TMC7: variants seen among roughly 807,000 people sequenced by gnomAD.
The protein encoded by TMC7 is transmembrane channel like 7, also known as transmembrane channel-like protein 7.
A neutral mutation model predicts 82.9 loss-of-function variants in TMC7; 54 were observed. That is an observed-to-expected ratio of 0.65 (90% confidence interval 0.52 to 0.82). The LOEUF (loss-of-function observed/expected upper bound fraction) is 0.82. TMC7 is among the 40% of genes least tolerant of loss of function. The pLI is 0.00. For synonymous variants in TMC7, 350 were observed against 337.9 expected (o/e 1.04, Z -0.39); for missense variants, 820 against 901.2 (o/e 0.91, Z 1.15).
In TMC7 at chr16:19,037,812, A is replaced by G. The variant is rs1960824528; in HGVS notation, c.1006-62A>G. On this transcript the variant is annotated intron_variant, in intron 7 of 15. Coordinates refer to ENST00000304381, the MANE Select transcript of TMC7 (RefSeq NM_024847.4). The stretch of plus-strand genomic sequence containing the variant: ...TGGATGGGGAGAGAATGATGAATCA[A>G]TTTCTATCCCTGAGTATCCCTTCAT... 4.7e-5 allele frequency: 71 copies of G among 1,511,594 alleles called. 1 individual carries two copies. In the South Asian group the frequency reaches 7.5e-4, roughly 16 times the overall value. The allele number at this position is 1,511,594 out of a possible 1,614,324, so 93.6% of individuals were successfully genotyped here.
intron 5 of TMC7, 133 bp from the exon 6 acceptor site, chr16:19,030,091 G>A: frequency 1.2e-6 from 1 of 857,672 alleles, no homozygotes; most frequent in South Asian, 1.7e-5. Flanking sequence ...GTGCCTCTGG[G>A]GCTGTTCCAG....
rs371761861 is a variant in TMC7, at chr16:19,030,310, G to A, written c.798G>A (p.Leu266=). 3.4e-5 allele frequency: 55 copies of A among 1,613,610 alleles called. No homozygotes were observed. In the African/African-American group the frequency reaches 7.3e-4, roughly 22 times the overall value. Reference sequence around the variant, plus strand: ...AGAACTTCACCTATGATCTGCCCCTGGCGTATTTGTTAAGCACAATCGCCT... The same window carrying A: ...AGAACTTCACCTATGATCTGCCCCTAGCGTATTTGTTAAGCACAATCGCCT... The part of the protein sequence containing the change: ...KFQNFTYDLP[L]AYLLSTIASL... Residue 266 remains leucine, a synonymous_variant, in exon 6 of 16, where the codon CTG becomes CTA. Transcript: ENST00000304381.
chr16:19,023,808 C>G (rs564839004), intron 5 of TMC7, among the ~76,000 whole-genome samples: 3 of 152,312 alleles, frequency 2.0e-5, no homozygotes, highest in African/African-American at 7.2e-5. Flanking sequence ...CAGAAAGAAG[C>G]TTCAGTGAAA....
Position 19,009,242 on chromosome 16 carries a change from C to T in TMC7, c.138C>T (p.Tyr46=), listed in dbSNP as rs765527255. ...PVNFLQELPS[Y]RSIARRRTTV... is the part of the protein sequence containing the mutation. ...ACTTCCTCCAAGAATTGCCAAGCTA[C>T]CGGTCCATTGCACGTAGGAGAACGA... Residue 46 remains tyrosine, a synonymous_variant, in exon 2 of 16, where the codon TAC becomes TAT. Transcript: ENST00000304381. The T allele has an allele frequency of 6.2e-7, 1 of 1,614,180 alleles. No homozygotes were observed. Among genetic ancestry groups the T allele is most frequent in the East Asian group, 2.2e-5 (1 of 44,878 alleles).
chr16:19,034,405 T>G (rs1462535023), intron 6 of TMC7, among the ~76,000 whole-genome samples: 1 of 150,764 alleles, frequency 6.6e-6, no homozygotes, highest in Non-Finnish European at 1.5e-5. Flanking sequence ...GAGACCAGCC[T>G]GGCCAACCTG....
chr16:19,029,295 G>A lies in TMC7; in HGVS notation c.712-929G>A, dbSNP rs552209432. On this transcript the variant is annotated intron_variant, in intron 5 of 15. Coordinates refer to ENST00000304381, the MANE Select transcript of TMC7 (RefSeq NM_024847.4). ...GCTGGGATTACAGGCATGAGCCACC[G>A]TGCCCGGCACGAGATTTGCACTTCC... Among the ~76,000 whole-genome samples the A allele has an allele frequency of 2.6e-5, 4 of 151,724 alleles. No individual in the cohort carries two copies. The South Asian group carries it at 6.3e-4, about 24-fold the overall frequency.
chr16:19,052,546 C>T (rs1478033232), intron 13 of TMC7, among the ~76,000 whole-genome samples: 1 of 152,184 alleles, frequency 6.6e-6, no homozygotes. Flanking sequence ...GGTGCGGTGG[C>T]TCACACCTGT....
chr16:19,054,567 T>A lies in TMC7; in HGVS notation c.1872-1975T>A, dbSNP rs1340938570. On this transcript the variant is annotated intron_variant, in intron 13 of 15. Coordinates refer to ENST00000304381, the MANE Select transcript of TMC7 (RefSeq NM_024847.4). ...CCTGTCTCTACTAAAAATACAAAAT[T>A]AGCTGGGTGTGGTGGTGGGCGCCTG... Among the ~76,000 whole-genome samples, 7 of 151,562 alleles carry A rather than the reference T, an allele frequency of 4.6e-5. No individual in the cohort carries two copies. The East Asian group carries it at 1.4e-3, about 30-fold the overall frequency.
chr16:18,986,562 GA>G (rs756138680), intron 1 of TMC7, among the ~76,000 whole-genome samples: 18 of 151,804 alleles, frequency 1.2e-4, no homozygotes, highest in Non-Finnish European at 2.5e-4. Context: ...CTCAAAAACA[GA>G]AAAACAACTT....
chr16:19,002,650 C>G (rs1264664729), intron 1 of TMC7, among the ~76,000 whole-genome samples: 1 of 152,164 alleles, frequency 6.6e-6, no homozygotes, highest in East Asian at 1.9e-4. Context: ...GGCCCTGCTC[C>G]CTCATGTCTC....
intron 1 of TMC7, among the ~76,000 whole-genome samples, chr16:19,004,577 C>T (rs2039202794): frequency 6.6e-6 from 1 of 152,120 alleles, no homozygotes. Flanking sequence ...GTTGGCCAGG[C>T]TGGTCTTGAA....
chr16:19,035,881 G>A, intron 7 of TMC7, 58 bp downstream of exon 7: 1 of 1,516,142 alleles, frequency 6.6e-7, no homozygotes, highest in Admixed American at 2.3e-5. Flanking sequence ...CCTGCCTTTG[G>A]AGCCTGAGTT....
At chr16:19,041,748 C>T (rs1185704920) in intron 9 of TMC7, among the ~76,000 whole-genome samples, 1 of 152,132 alleles carries the variant, frequency 6.6e-6, no homozygotes, top group Non-Finnish European at 1.5e-5. Context: ...GAGGCGGTCT[C>T]CCCAGTGGGG....
At chr16:19,010,344 G>A (rs1000796889) in intron 2 of TMC7, among the ~76,000 whole-genome samples, 5 of 151,978 alleles carry the variant, frequency 3.3e-5, no homozygotes, top group African/African-American at 7.2e-5. Flanking sequence ...AGTAGAGACA[G>A]GGTTTCACCA....
chr16:19,020,851 CAAAA>C (rs1487310486), intron 3 of TMC7, among the ~76,000 whole-genome samples: 10 of 75,904 alleles, frequency 1.3e-4, no homozygotes, highest in Admixed American at 4.5e-4. Flanking sequence ...GACATGGTGT[CAAAA>C]ATAAATAAAT....
chr16:18,988,691 A>C (rs1343251214), intron 1 of TMC7, among the ~76,000 whole-genome samples: 1 of 152,142 alleles, frequency 6.6e-6, no homozygotes, highest in Non-Finnish European at 1.5e-5. Context: ...CTCCTGGAGC[A>C]CTTGATTACG....
At position 19,009,213 on chromosome 16, in the gene TMC7, G is replaced by A; in HGVS notation, c.109G>A (p.Val37Met). The A allele has an allele frequency of 6.2e-7, 1 of 1,614,102 alleles. No individual in the cohort carries two copies. Among genetic ancestry groups the A allele is most frequent in the African/African-American group, 1.3e-5 (1 of 75,038 alleles). The change falls in exon 2 of 16, where the codon GTG becomes ATG. Residue 37 changes from valine to methionine, a missense_variant. Val to Met is a conservative substitution (Grantham distance 21, BLOSUM62 1). Coordinates refer to ENST00000304381, the MANE Select transcript of TMC7 (RefSeq NM_024847.4). ...CTCCAGTTGCTTCTCTTCTCCACCT[G>A]TGAACTTCCTCCAAGAATTGCCAAG... ...LDSSCFSSPP[V>M]NFLQELPSYR... is the part of the protein sequence containing the mutation.
chr16:18,986,544 GACTCTGTCTCAAA>G (rs752560780), intron 1 of TMC7, among the ~76,000 whole-genome samples: 18 of 152,060 alleles, frequency 1.2e-4, no homozygotes, highest in Non-Finnish European at 2.5e-4. Context: ...GACAGAGCTA[GACTCTGTCTCAAA>G]AACAGAAAAA....
At chr16:19,004,679 A>T (rs2039204808) in intron 1 of TMC7, among the ~76,000 whole-genome samples, 1 of 152,064 alleles carries the variant, frequency 6.6e-6, no homozygotes, top group Admixed American at 6.6e-5. Context: ...CGGTATTTTA[A>T]CATTTACAAA....
Sources: gnomAD v4.1 joint callset for allele counts (sites outside exome capture counted in the v4.1 genomes callset) on GRCh38, gnomAD v4.1.1 for gene constraint, MANE v1.5 for transcripts, NCBI Gene and HGNC (gene_info 2026-07-23, HGNC 2026-07-21) for gene names.